DIAPH3: variants seen among roughly 807,000 people sequenced by gnomAD.
DIAPH3 encodes the protein protein diaphanous homolog 3.
Under a neutral mutation model 144.3 loss-of-function variants are expected in DIAPH3, and 117 were observed. The observed-to-expected ratio is 0.81, with a 90% CI of 0.70 to 0.95. DIAPH3 has a LOEUF of 0.95. Among genes scored for constraint, DIAPH3 ranks in the 40% least tolerant of loss-of-function variants. The probability of loss-of-function intolerance (pLI) is 0.00; values close to 1 mark genes in which losing one functional copy is unlikely to be tolerated. For missense variants in DIAPH3, 1,421 were observed against 1,412.7 expected (o/e 1.01, Z -0.09); for synonymous variants, 519 against 488.9 (o/e 1.06, Z -0.81).
intron 21 of DIAPH3, among the ~76,000 whole-genome samples, chr13:59,870,340 C>A (rs2044181930): frequency 6.6e-6 from 1 of 151,222 alleles, no homozygotes; most frequent in Non-Finnish European, 1.5e-5. Flanking sequence ...TATTTTTTTT[C>A]CCTTTGGCCA....
At chr13:59,707,162 C>T (rs968976281) in intron 27 of DIAPH3, among the ~76,000 whole-genome samples, 1 of 152,154 alleles carries the variant, frequency 6.6e-6, no homozygotes, top group African/African-American at 2.4e-5. Flanking sequence ...TGCGTTTCTA[C>T]TAAGCTCCAA....
intron 7 of DIAPH3, among the ~76,000 whole-genome samples, chr13:60,014,368 T>G (rs2053486622): frequency 6.6e-6 from 1 of 152,174 alleles, no homozygotes; most frequent in Admixed American, 6.5e-5. Flanking sequence ...ATATCTAATA[T>G]CTGATTTTCA....
rs4886208 is a variant in DIAPH3, at chr13:60,133,182, A to G, written c.181-193T>C. On this transcript the variant is annotated intron_variant, in intron 1 of 27. Transcript: ENST00000400324. The stretch of plus-strand genomic sequence containing the variant: ...ATGGACAAAAGTTACCCTGCGTGTG[A>G]TAGTTCCAAACACTTACTAAAATTT... 0.64 allele frequency among the ~76,000 whole-genome samples: 96,555 copies of G among 151,750 alleles called. 31,201 individuals carry two copies. Among genetic ancestry groups the G allele is most frequent in the Admixed American group, 0.72 (10,955 of 15,262 alleles).
chr13:59,868,551 G>A (rs1484734868), intron 21 of DIAPH3, among the ~76,000 whole-genome samples: 1 of 152,128 alleles, frequency 6.6e-6, no homozygotes, highest in Non-Finnish European at 1.5e-5. Context: ...GACAAGTAAT[G>A]TACCAGTATT....
chr13:59,923,443 AAC>A (rs902344523), intron 18 of DIAPH3, among the ~76,000 whole-genome samples: 1 of 152,182 alleles, frequency 6.6e-6, no homozygotes, highest in Admixed American at 6.5e-5. Flanking sequence ...AAAAACAAAA[AAC>A]ACAAAATCTC....
At chr13:60,078,342 G>C (rs191587913) in intron 4 of DIAPH3, among the ~76,000 whole-genome samples, 36 of 152,230 alleles carry the variant, frequency 2.4e-4, no homozygotes, top group African/African-American at 6.3e-4. Flanking sequence ...GAGAACAGGA[G>C]CTGGTTTGTG....
At chr13:59,897,444 T>C (rs914321102) in intron 20 of DIAPH3, among the ~76,000 whole-genome samples, 19 of 152,280 alleles carry the variant, frequency 1.2e-4, no homozygotes, top group African/African-American at 3.9e-4. Flanking sequence ...AAGTGGAATA[T>C]AGTTCTTAAG....
chr13:59,970,694 T>C lies in DIAPH3; in HGVS notation c.1959+158A>G, dbSNP rs139370290. The stretch of plus-strand genomic sequence containing the variant: ...TGTCCCAATACTTTAAAAAAAAAGC[T>C]ATTTTATTGTCACTTTGATTAGTGA... On this transcript the variant is annotated intron_variant, in intron 16 of 27. Transcript: ENST00000400324. Among the ~76,000 whole-genome samples the C allele has an allele frequency of 3.1e-4, 47 of 152,314 alleles. No individual in the cohort carries two copies. The East Asian group carries it at 8.1e-3, about 26-fold the overall frequency.
intron 10 of DIAPH3, 61 bp from the exon 11 acceptor site, chr13:59,992,247 A>G: frequency 7.3e-7 from 1 of 1,370,866 alleles, no homozygotes; most frequent in Non-Finnish European, 1.0e-6. Flanking sequence ...CAAAAGAATA[A>G]AAAACATATA....
chr13:59,768,077 A>G (rs970614385), intron 27 of DIAPH3, among the ~76,000 whole-genome samples: 34 of 152,298 alleles, frequency 2.2e-4, no homozygotes, highest in African/African-American at 7.5e-4. Flanking sequence ...ATGTTTGAAT[A>G]AACTGTGAAA....
At chr13:59,870,287 T>C (rs1053649910) in intron 21 of DIAPH3, among the ~76,000 whole-genome samples, 4 of 152,130 alleles carry the variant, frequency 2.6e-5, no homozygotes, top group Non-Finnish European at 4.4e-5. Flanking sequence ...TACGAATCTA[T>C]TTCTGGGGTC....
At chr13:59,983,412 C>T (rs940640685) in intron 13 of DIAPH3, among the ~76,000 whole-genome samples, 4 of 151,524 alleles carry the variant, frequency 2.6e-5, no homozygotes, top group Non-Finnish European at 4.4e-5. Flanking sequence ...ATACAAGGGT[C>T]AGGCTTTAAT....
At chr13:59,884,995 G>A (rs964606111) in intron 20 of DIAPH3, among the ~76,000 whole-genome samples, 1 of 152,094 alleles carries the variant, frequency 6.6e-6, no homozygotes, top group African/African-American at 2.4e-5. Context: ...ATATTAAAAG[G>A]CTAAAATGTA....
At chr13:60,111,890 T>C in intron 3 of DIAPH3, 120 bp downstream of exon 3, 2 of 959,792 alleles carry the variant, frequency 2.1e-6, no homozygotes, top group Non-Finnish European at 1.6e-6. Context: ...AGTGCTATCT[T>C]AAGTGACATC....
At chr13:60,122,182 T>A (rs2058863763) in intron 2 of DIAPH3, among the ~76,000 whole-genome samples, 1 of 152,170 alleles carries the variant, frequency 6.6e-6, no homozygotes, top group Non-Finnish European at 1.5e-5. Context: ...CTCCACCACC[T>A]TACACTGTAT....
chr13:60,082,371 A>G (rs917665973), intron 4 of DIAPH3, among the ~76,000 whole-genome samples: 1 of 151,758 alleles, frequency 6.6e-6, no homozygotes, highest in Non-Finnish European at 1.5e-5. Context: ...AAACCAAAGC[A>G]AAAAATTAGA....
At chr13:60,092,573 C>G (rs2057980551) in intron 4 of DIAPH3, among the ~76,000 whole-genome samples, 1 of 152,108 alleles carries the variant, frequency 6.6e-6, no homozygotes, top group African/African-American at 2.4e-5. Context: ...ATGGCGTGAA[C>G]CCGGGAGGCG....
chr13:60,107,047 A>G (rs374195128), intron 3 of DIAPH3, among the ~76,000 whole-genome samples: 2 of 152,144 alleles, frequency 1.3e-5, no homozygotes, highest in South Asian at 4.1e-4. Flanking sequence ...TATTGGTACT[A>G]TTGGTAAAAC....
At chr13:59,812,059 T>C (rs562030186) in intron 24 of DIAPH3, among the ~76,000 whole-genome samples, 2 of 152,312 alleles carry the variant, frequency 1.3e-5, no homozygotes, top group East Asian at 3.9e-4. Flanking sequence ...AATTAAACTA[T>C]AACAAGTAGG....
Sources: allele counts gnomAD v4.1 joint callset (sites outside exome capture counted in the v4.1 genomes callset), GRCh38; gene constraint gnomAD v4.1.1; transcripts MANE v1.5; gene names NCBI Gene and HGNC (gene_info 2026-07-23, HGNC 2026-07-21).